CHLSN: variants seen among roughly 807,000 people sequenced by gnomAD.
The protein encoded by CHLSN is cholesin.
At chr7:1,009,808 G>C in the CHLSN span, 2 of 724,158 alleles carry the variant, frequency 2.8e-6, no homozygotes, top group Non-Finnish European at 4.3e-6. Flanking sequence ...GGCAGCGGCG[G>C]CAGCACAGGC....
chr7:1,034,901 G>C, the CHLSN span, among the ~76,000 whole-genome samples: 1 of 152,082 alleles, frequency 6.6e-6, no homozygotes, highest in Non-Finnish European at 1.5e-5. Context: ...GTGGTATTTG[G>C]TTTTCTGTTC....
At chr7:1,116,803 A>G in the CHLSN span, among the ~76,000 whole-genome samples, 5 of 54,492 alleles carry the variant, frequency 9.2e-5, no homozygotes, top group African/African-American at 1.9e-4. Flanking sequence ...TGACATCACT[A>G]CAGATCTAGG....
At chr7:1,104,428 G>A in the CHLSN span, among the ~76,000 whole-genome samples, 4 of 152,196 alleles carry the variant, frequency 2.6e-5, no homozygotes, top group South Asian at 2.1e-4. Flanking sequence ...CGTCATCTAT[G>A]AGCAGCAAAT....
At chr7:1,015,031 G>A in the CHLSN span, among the ~76,000 whole-genome samples, 47 of 152,346 alleles carry the variant, frequency 3.1e-4, no homozygotes, top group Non-Finnish European at 5.3e-4. Context: ...CCGCGTTGCC[G>A]GGCAGGGCCT....
At chr7:1,028,817 GC>G in the CHLSN span, 6 of 747,676 alleles carry the variant, frequency 8.0e-6, no homozygotes, top group South Asian at 6.4e-5. Context: ...TGACTCCATG[GC>G]CCCCATCTCC....
the CHLSN span, among the ~76,000 whole-genome samples, chr7:994,999 AGACGTGAGGGACG>A: frequency 9.8e-5 from 15 of 152,374 alleles, no homozygotes; most frequent in African/African-American, 3.1e-4. Flanking sequence ...GCCGAGGGAC[AGACGTGAGGGACG>A]GACGTGAGGG....
chr7:1,087,168 C>G, the CHLSN span: 12 of 152,374 alleles, frequency 7.9e-5, no homozygotes, highest in Admixed American at 2.0e-4. Context: ...TCCGCCTGCA[C>G]GAGACTGTGA....
At chr7:1,040,988 G>A in the CHLSN span, among the ~76,000 whole-genome samples, 2 of 152,358 alleles carry the variant, frequency 1.3e-5, no homozygotes, top group South Asian at 2.1e-4. Context: ...GGGTCAACCC[G>A]AAGCCAGAGG....
chr7:1,010,949 C>G, the CHLSN span, among the ~76,000 whole-genome samples: 2 of 152,024 alleles, frequency 1.3e-5, no homozygotes, highest in African/African-American at 4.8e-5. Context: ...CAGGCAGCGC[C>G]CACCGGGAGC....
At chr7:1,136,371 T>TATATAAAC in the CHLSN span, among the ~76,000 whole-genome samples, 23 of 77,348 alleles carry the variant, frequency 3.0e-4, 1 homozygote, top group South Asian at 1.8e-3. Flanking sequence ...TATATATAAA[T>TATATAAAC]ATATATAAAT....
the CHLSN span, chr7:1,091,285 C>T: frequency 6.3e-6 from 1 of 159,164 alleles, no homozygotes; most frequent in Non-Finnish European, 1.4e-5. Flanking sequence ...AGCTGAGGTT[C>T]TGGCCCTCCC....
the CHLSN span, chr7:1,055,262 C>T: frequency 6.4e-6 from 3 of 471,160 alleles, no homozygotes; most frequent in Non-Finnish European, 1.3e-5. Flanking sequence ...AGAGGCCCTG[C>T]GGGGAACTTA....
chr7:1,132,535 A>G, the CHLSN span, among the ~76,000 whole-genome samples: 1 of 152,142 alleles, frequency 6.6e-6, no homozygotes, highest in Non-Finnish European at 1.5e-5. Flanking sequence ...TCTACAAAAA[A>G]TACAAAAAAT....
the CHLSN span, among the ~76,000 whole-genome samples, chr7:1,121,166 C>G: frequency 2.6e-5 from 4 of 152,208 alleles, no homozygotes; most frequent in South Asian, 8.3e-4. Context: ...TCAGTTCCCC[C>G]ACACGTAAGA....
the CHLSN span, among the ~76,000 whole-genome samples, chr7:1,080,318 C>T: frequency 2.0e-5 from 3 of 152,234 alleles, no homozygotes; most frequent in Admixed American, 6.5e-5. Context: ...CCCACGATGG[C>T]GGGACACAGA....
At chr7:1,075,774 A>G in the CHLSN span, among the ~76,000 whole-genome samples, 1 of 151,580 alleles carries the variant, frequency 6.6e-6, no homozygotes, top group East Asian at 2.0e-4. Flanking sequence ...CACCACTCCC[A>G]GCTAATTTTT....
At chr7:1,041,394 G>C in the CHLSN span, among the ~76,000 whole-genome samples, 167 of 108,788 alleles carry the variant, frequency 1.5e-3, 1 homozygote, top group African/African-American at 4.8e-3. Context: ...GGGACCTGGG[G>C]TCCGCGCTGC....
the CHLSN span, among the ~76,000 whole-genome samples, chr7:1,016,705 ACGC>A: frequency 1.1e-4 from 9 of 84,478 alleles, no homozygotes; most frequent in East Asian, 2.8e-4. Context: ...ATGCCAGCAC[ACGC>A]CAGCGCACAG....
At chr7:1,021,447 T>C in the CHLSN span, 3 of 985,336 alleles carry the variant, frequency 3.0e-6, no homozygotes, top group African/African-American at 1.7e-5. Context: ...TCTTCATCCA[T>C]TAAGTCTGAT....
Sources: allele counts gnomAD v4.1 joint callset (sites outside exome capture counted in the v4.1 genomes callset), GRCh38; gene constraint gnomAD v4.1.1; transcripts MANE v1.5; gene names NCBI Gene and HGNC (gene_info 2026-07-23, HGNC 2026-07-21).